Variants in ADAM12 observed in about 807,000 individuals in gnomAD.
ADAM12 encodes the protein disintegrin and metalloproteinase domain-containing protein 12.
A neutral mutation model predicts 106.4 loss-of-function variants in ADAM12; 70 were observed. That is an observed-to-expected ratio of 0.66 (90% CI 0.54 to 0.80). The LOEUF (loss-of-function observed/expected upper bound fraction) is 0.80, where lower values mean the gene tolerates loss of function less well. Among genes scored for constraint, ADAM12 ranks in the 30% least tolerant of loss-of-function variants. The pLI, the probability that ADAM12 is intolerant of heterozygous loss-of-function variation, is 0.00. For synonymous variants in ADAM12, 420 were observed against 433.5 expected, an observed-to-expected ratio of 0.97 and a Z score of 0.39; for missense variants, 1,010 against 1,171.9, an observed-to-expected ratio of 0.86 and a Z score of 2.02.
At chr10:126,082,404 T>C (rs142020124) in intron 11 of ADAM12, among the ~76,000 whole-genome samples, 1 of 139,810 alleles carries the variant, frequency 7.2e-6, no homozygotes, top group African/African-American at 2.7e-5. Flanking sequence ...AGTTTCGCTC[T>C]GTAGCCCAGG....
chr10:126,262,329 T>C (rs7090615), intron 3 of ADAM12, among the ~76,000 whole-genome samples: 82,115 of 151,984 alleles, frequency 0.54, 23,260 homozygotes, highest in Non-Finnish European at 0.62. Flanking sequence ...CCAATGATTA[T>C]AGGAAAAAAA....
At chr10:126,177,434 T>C (rs1376694715) in intron 3 of ADAM12, among the ~76,000 whole-genome samples, 1 of 152,188 alleles carries the variant, frequency 6.6e-6, no homozygotes, top group East Asian at 1.9e-4. Flanking sequence ...CTCATGAATC[T>C]GACCATTTTG....
rs545078651 is a variant in ADAM12, at chr10:126,335,160, A to T, written c.89-4651T>A. On this transcript the variant is annotated intron_variant, in intron 1 of 22. Coordinates refer to ENST00000448723, the MANE Select transcript of ADAM12 (RefSeq NM_001288973.2). ...CAAAAATCACAACTCCATATTGATCATTTGAAAATGCCAGTGTATAAGTGG... is the reference window on the plus strand; with the variant it reads ...CAAAAATCACAACTCCATATTGATCTTTTGAAAATGCCAGTGTATAAGTGG... Among the ~76,000 whole-genome samples, 6 of 152,364 alleles carry T rather than the reference A, an allele frequency of 3.9e-5. No homozygotes were observed. In the South Asian group the frequency reaches 8.3e-4, roughly 21 times the overall value.
chr10:126,080,795 C>A (rs1955197398), intron 11 of ADAM12, among the ~76,000 whole-genome samples: 1 of 152,190 alleles, frequency 6.6e-6, no homozygotes, highest in African/African-American at 2.4e-5. Flanking sequence ...CAGCTCCCCA[C>A]CATAAAGGCA....
intron 14 of ADAM12, among the ~76,000 whole-genome samples, chr10:126,057,942 G>A (rs771683948): frequency 1.4e-4 from 21 of 152,200 alleles, no homozygotes; most frequent in Non-Finnish European, 2.8e-4. Flanking sequence ...TAATGGCAGA[G>A]GTATGCACAT....
chr10:126,139,598 G>C (rs145463931), intron 4 of ADAM12, among the ~76,000 whole-genome samples: 1 of 152,098 alleles, frequency 6.6e-6, no homozygotes, highest in Non-Finnish European at 1.5e-5. Context: ...GCCATGGCAG[G>C]AGAGGACTTA....
intron 5 of ADAM12, among the ~76,000 whole-genome samples, chr10:126,121,163 TACTATATATACTATATAC>T (rs1565074118): frequency 1.7e-5 from 1 of 59,828 alleles, no homozygotes; most frequent in African/African-American, 8.3e-5. Flanking sequence ...ATACTATATA[TACTATATATACTATATAC>T]ACTATATACT....
intron 1 of ADAM12, among the ~76,000 whole-genome samples, chr10:126,361,039 G>A (rs181913073): frequency 2.1e-4 from 32 of 152,236 alleles, no homozygotes; most frequent in East Asian, 3.9e-4. Flanking sequence ...ATCAGATCTC[G>A]TGAGGCTTAT....
chr10:126,253,088 T>C (rs1204290689), intron 3 of ADAM12, among the ~76,000 whole-genome samples: 1 of 152,248 alleles, frequency 6.6e-6, no homozygotes, highest in Non-Finnish European at 1.5e-5. Context: ...ACATTCCTGA[T>C]GCCATTCCAG....
intron 2 of ADAM12, among the ~76,000 whole-genome samples, chr10:126,315,277 T>C (rs1001016389): frequency 1.6e-4 from 24 of 152,174 alleles, no homozygotes; most frequent in African/African-American, 5.5e-4. Context: ...TCTGGACATT[T>C]ATTTTATAGG....
chr10:126,319,329 C>A (rs1030794891), intron 2 of ADAM12, among the ~76,000 whole-genome samples: 4 of 152,090 alleles, frequency 2.6e-5, no homozygotes, highest in Non-Finnish European at 5.9e-5. Context: ...AGTGGAGAAA[C>A]CCAGCAAACA....
intron 4 of ADAM12, among the ~76,000 whole-genome samples, chr10:126,136,429 A>T (rs999561093): frequency 6.6e-5 from 10 of 152,202 alleles, no homozygotes; most frequent in African/African-American, 2.4e-4. Flanking sequence ...CTCCTCACTC[A>T]GATCCTCTGG....
intron 1 of ADAM12, among the ~76,000 whole-genome samples, chr10:126,332,950 A>G (rs1416383903): frequency 6.6e-6 from 1 of 152,194 alleles, no homozygotes; most frequent in Non-Finnish European, 1.5e-5. Flanking sequence ...AACTGAACTT[A>G]TAAGACAGCT....
chr10:126,204,696 G>T (rs1957764830), intron 3 of ADAM12, among the ~76,000 whole-genome samples: 1 of 152,150 alleles, frequency 6.6e-6, no homozygotes, highest in South Asian at 2.1e-4. Context: ...AACCAACCAT[G>T]GGCCCTTCTA....
intron 1 of ADAM12, among the ~76,000 whole-genome samples, chr10:126,354,517 T>C (rs1440145522): frequency 6.6e-6 from 1 of 152,198 alleles, no homozygotes; most frequent in Non-Finnish European, 1.5e-5. Context: ...ATCTGCTGCA[T>C]CTCAAAAATT....
intron 14 of ADAM12, among the ~76,000 whole-genome samples, chr10:126,059,832 T>G (rs970976508): frequency 1.2e-4 from 18 of 152,206 alleles, no homozygotes; most frequent in Non-Finnish European, 2.2e-4. Flanking sequence ...TGCTGGTGGT[T>G]CTCACAAAAA....
chr10:126,251,590 A>AGGATGGATAGGATGGATGGAT (rs1958754944), intron 3 of ADAM12, among the ~76,000 whole-genome samples: 1 of 4,274 alleles, frequency 2.3e-4, no homozygotes, highest in Non-Finnish European at 6.1e-4. Context: ...ATGAACGGAC[A>AGGATGGATAGGATGGATGGAT]GGATGGATAG....
chr10:126,176,174 C>T (rs957601562), intron 3 of ADAM12, among the ~76,000 whole-genome samples: 2 of 152,242 alleles, frequency 1.3e-5, no homozygotes, highest in African/African-American at 4.8e-5. Context: ...CACATAACAA[C>T]TGCAGAACGA....
chr10:126,327,219 C>T (rs1400298781), intron 2 of ADAM12, among the ~76,000 whole-genome samples: 1 of 152,180 alleles, frequency 6.6e-6, no homozygotes, highest in Non-Finnish European at 1.5e-5. Context: ...TTTGTCTTCA[C>T]ACTCTAGGAT....
Sources: allele counts gnomAD v4.1 joint callset (sites outside exome capture counted in the v4.1 genomes callset), GRCh38; gene constraint gnomAD v4.1.1; transcripts MANE v1.5; gene names NCBI Gene and HGNC (gene_info 2026-07-23, HGNC 2026-07-21).